RBFOX1: variants seen among roughly 807,000 people sequenced by gnomAD.
The protein encoded by RBFOX1 is RNA binding protein fox-1 homolog 1.
A neutral mutation model predicts 57.7 loss-of-function variants in RBFOX1; 8 were observed. That is an observed-to-expected ratio of 0.14 (90% CI 0.08 to 0.25). The LOEUF (loss-of-function observed/expected upper bound fraction) is 0.25. Ranked by LOEUF, RBFOX1 falls within the 10% of genes least tolerant of loss-of-function variation. RBFOX1 has a pLI of 1.00. For synonymous variants in RBFOX1, 326 were observed against 222.4 expected (o/e 1.47, Z -4.15); for missense variants, 611 against 548.5 (o/e 1.11, Z -1.14).
At chr16:6,580,750 C>G (rs930703163) in intron 2 of RBFOX1, among the ~76,000 whole-genome samples, 1 of 152,118 alleles carries the variant, frequency 6.6e-6, no homozygotes, top group African/African-American at 2.4e-5. Flanking sequence ...AAGTAAGTTC[C>G]CTGGCCCCAC....
chr16:6,900,729 A>G (rs554494876), intron 3 of RBFOX1, among the ~76,000 whole-genome samples: 2 of 152,112 alleles, frequency 1.3e-5, no homozygotes, highest in Non-Finnish European at 2.9e-5. Context: ...TGCCGTTCCT[A>G]TCTTTCGTCT....
intron 4 of RBFOX1, among the ~76,000 whole-genome samples, chr16:5,874,032 C>G (rs1453033560): frequency 1.3e-5 from 2 of 152,156 alleles, no homozygotes; most frequent in Non-Finnish European, 2.9e-5. Context: ...GCCCAGCATC[C>G]TCATGGAAAT....
At chr16:5,885,664 T>C (rs1484922361) in intron 4 of RBFOX1, among the ~76,000 whole-genome samples, 1 of 152,174 alleles carries the variant, frequency 6.6e-6, no homozygotes, top group East Asian at 1.9e-4. Flanking sequence ...TATGCTAATG[T>C]TGCCCAGGGA....
chr16:5,726,980 C>T lies in RBFOX1; in HGVS notation c.318+128019C>T, dbSNP rs968057470. On this transcript the variant is annotated intron_variant, in intron 3 of 19. Coordinates refer to the RBFOX1 transcript ENST00000641259. ...TGAATTCAAACCTCGATGTGAAGGC[C>T]GGGCATGGTGGCTCATGCCTGTAAT... Among the ~76,000 whole-genome samples the T allele has an allele frequency of 6.6e-5, 10 of 152,210 alleles. No homozygotes were observed. In the East Asian group the frequency reaches 7.7e-4, roughly 12 times the overall value.
At chr16:6,640,591 G>C (rs886305843) in intron 2 of RBFOX1, among the ~76,000 whole-genome samples, 1 of 151,944 alleles carries the variant, frequency 6.6e-6, no homozygotes, top group Non-Finnish European at 1.5e-5. Context: ...CTCAGCGACA[G>C]AGTAAGACTC....
intron 4 of RBFOX1, among the ~76,000 whole-genome samples, chr16:7,202,511 T>G (rs1249916934): frequency 6.6e-6 from 1 of 152,116 alleles, no homozygotes; most frequent in Non-Finnish European, 1.5e-5. Flanking sequence ...AGAGCAGGGG[T>G]CCCCAGTCCC....
intron 2 of RBFOX1, among the ~76,000 whole-genome samples, chr16:6,623,949 T>C (rs897869217): frequency 1.1e-4 from 16 of 152,214 alleles, no homozygotes; most frequent in African/African-American, 3.9e-4. Context: ...ATCCTTTGGG[T>C]ATATACCCAG....
chr16:6,018,952 G>T, upstream of RBFOX1: 1 of 366,796 alleles, frequency 2.7e-6, no homozygotes, highest in South Asian at 1.1e-4. Context: ...CTGGAATCCA[G>T]GGCTGCACGC....
At chr16:5,543,509 A>T (rs555439230) in intron 2 of RBFOX1, among the ~76,000 whole-genome samples, 2 of 152,356 alleles carry the variant, frequency 1.3e-5, no homozygotes, top group East Asian at 3.9e-4. Flanking sequence ...AACAATAATA[A>T]TGAGAAAAAG....
chr16:5,867,590 C>T (rs1045266617), intron 4 of RBFOX1, among the ~76,000 whole-genome samples: 1 of 152,180 alleles, frequency 6.6e-6, no homozygotes, highest in African/African-American at 2.4e-5. Flanking sequence ...ACAGATACAT[C>T]ATAATTCTAG....
chr16:7,270,026 C>G (rs945361765), intron 4 of RBFOX1, among the ~76,000 whole-genome samples: 6 of 152,180 alleles, frequency 3.9e-5, no homozygotes, highest in Non-Finnish European at 8.8e-5. Flanking sequence ...CAAGAGTAAA[C>G]ACATATCATG....
intron 4 of RBFOX1, among the ~76,000 whole-genome samples, chr16:7,181,101 G>A (rs2082606903): frequency 6.6e-6 from 1 of 152,200 alleles, no homozygotes; most frequent in Non-Finnish European, 1.5e-5. Context: ...TGCTATCAAG[G>A]AATGACCAGG....
At chr16:5,672,081 T>C (rs2050028264) in intron 3 of RBFOX1, among the ~76,000 whole-genome samples, 1 of 152,140 alleles carries the variant, frequency 6.6e-6, no homozygotes, top group South Asian at 2.1e-4. Context: ...CTTGCCTGGG[T>C]TGCTGGTTAG....
At chr16:7,464,207 T>C (rs544500950) in intron 4 of RBFOX1, among the ~76,000 whole-genome samples, 6 of 152,332 alleles carry the variant, frequency 3.9e-5, no homozygotes, top group Non-Finnish European at 5.9e-5. Context: ...TTTTGCTCAA[T>C]GATTGTGTGT....
At chr16:7,683,432 TG>T (rs1277145304) in intron 14 of RBFOX1, among the ~76,000 whole-genome samples, 1 of 152,002 alleles carries the variant, frequency 6.6e-6, no homozygotes, top group Non-Finnish European at 1.5e-5. Flanking sequence ...TCATAACAAC[TG>T]TTATGCACTA....
intron 3 of RBFOX1, among the ~76,000 whole-genome samples, chr16:6,932,912 C>T (rs1376085469): frequency 6.6e-6 from 1 of 152,202 alleles, no homozygotes; most frequent in African/African-American, 2.4e-5. Context: ...TGTCTTCCCC[C>T]AGCCCCTGGC....
At chr16:5,419,420 A>G (rs893085700) in intron 1 of RBFOX1, among the ~76,000 whole-genome samples, 1 of 152,092 alleles carries the variant, frequency 6.6e-6, no homozygotes. Context: ...TTCTTCTGCC[A>G]GATTTTTTTC....
At chr16:5,283,549 A>G (rs1330381857) in intron 1 of RBFOX1, among the ~76,000 whole-genome samples, 1 of 152,146 alleles carries the variant, frequency 6.6e-6, no homozygotes, top group Non-Finnish European at 1.5e-5. Context: ...TCCCAAGGCC[A>G]TGGGAGCCCA....
chr16:7,255,147 T>G (rs1222374808), intron 4 of RBFOX1, among the ~76,000 whole-genome samples: 1 of 152,186 alleles, frequency 6.6e-6, no homozygotes, highest in East Asian at 1.9e-4. Context: ...GCAACACTGT[T>G]GAAAAATAGA....
Sources: gnomAD v4.1 joint callset for allele counts (sites outside exome capture counted in the v4.1 genomes callset) on GRCh38, gnomAD v4.1.1 for gene constraint, MANE v1.5 for transcripts, NCBI Gene and HGNC (gene_info 2026-07-23, HGNC 2026-07-21) for gene names.